The following SPIDR variants were observed in gnomAD, a reference collection of about 807,000 sequenced individuals.
SPIDR encodes scaffold protein involved in DNA repair, also known as DNA repair-scaffolding protein.
SPIDR carries 93 observed loss-of-function variants against 104.6 expected under a neutral mutation model. The observed-to-expected ratio is 0.89, with a 90% CI of 0.75 to 1.06. The LOEUF (loss-of-function observed/expected upper bound fraction) is 1.06. SPIDR is among the 50% of genes least tolerant of loss of function. The pLI is 0.00. For synonymous variants in SPIDR, 431 were observed against 416.9 expected, an observed-to-expected ratio of 1.03 and a Z score of -0.41; for missense variants, 1,154 against 1,111.2, an observed-to-expected ratio of 1.04 and a Z score of -0.55.
chr8:47,653,068 A>G (rs1444472701), intron 10 of SPIDR, among the ~76,000 whole-genome samples: 1 of 152,180 alleles, frequency 6.6e-6, no homozygotes, highest in Non-Finnish European at 1.5e-5. Context: ...TAGACTGTCC[A>G]TGACTGATGC....
At chr8:47,677,544 GT>G (rs1309463583) in intron 11 of SPIDR, among the ~76,000 whole-genome samples, 2 of 152,172 alleles carry the variant, frequency 1.3e-5, no homozygotes, top group African/African-American at 4.8e-5. Context: ...TTGAAGGGCC[GT>G]TTTACAGTAG....
intron 1 of SPIDR, chr8:47,276,907 T>C (rs2036538633): frequency 6.6e-6 from 1 of 151,962 alleles, no homozygotes; most frequent in Non-Finnish European, 1.5e-5. Context: ...TGTAAGGCAT[T>C]ATGAGTTTCT....
intron 15 of SPIDR, 58 bp downstream of exon 15, chr8:47,712,930 A>G (rs1589438017): frequency 6.2e-7 from 1 of 1,602,442 alleles, no homozygotes; most frequent in African/African-American, 1.3e-5. Flanking sequence ...CCCATAGAAT[A>G]CCTCTTGTGG....
At chr8:47,393,424 G>T (rs1283011923) in intron 5 of SPIDR, among the ~76,000 whole-genome samples, 2 of 152,048 alleles carry the variant, frequency 1.3e-5, no homozygotes, top group East Asian at 3.9e-4. Flanking sequence ...TTCAAATGTT[G>T]TTCGAATGGT....
At chr8:47,339,533 A>G (rs1043890015) in intron 5 of SPIDR, among the ~76,000 whole-genome samples, 5 of 152,304 alleles carry the variant, frequency 3.3e-5, no homozygotes, top group African/African-American at 1.2e-4. Context: ...GCTTGTGAAA[A>G]TGGGTATTTA....
chr8:47,469,417 A>C (rs555413117), intron 8 of SPIDR, among the ~76,000 whole-genome samples: 15 of 152,308 alleles, frequency 9.8e-5, no homozygotes, highest in African/African-American at 3.6e-4. Context: ...GACGCAGGCA[A>C]GCATATGTTT....
At chr8:47,417,349 G>A (rs1337868298) in intron 7 of SPIDR, among the ~76,000 whole-genome samples, 3 of 152,146 alleles carry the variant, frequency 2.0e-5, no homozygotes, top group African/African-American at 4.8e-5. Context: ...TCTCATTGTG[G>A]TTTCGATTTG....
intron 10 of SPIDR, among the ~76,000 whole-genome samples, chr8:47,605,335 T>C (rs1174147131): frequency 2.0e-5 from 3 of 152,160 alleles, no homozygotes; most frequent in Non-Finnish European, 2.9e-5. Context: ...GCTGGGTCAC[T>C]TCACGAGCAG....
At chr8:47,516,896 A>C (rs887192666) in intron 8 of SPIDR, among the ~76,000 whole-genome samples, 21 of 152,148 alleles carry the variant, frequency 1.4e-4, no homozygotes, top group African/African-American at 5.1e-4. Context: ...CCAGCAATGC[A>C]TGGGAGTTTC....
chr8:47,477,870 G>A (rs1346201844), intron 8 of SPIDR, among the ~76,000 whole-genome samples: 3 of 152,198 alleles, frequency 2.0e-5, no homozygotes, highest in African/African-American at 4.8e-5. Flanking sequence ...TCAGAGGGGA[G>A]CATGGGGAGG....
At chr8:47,523,925 G>A (rs1410878558) in intron 8 of SPIDR, among the ~76,000 whole-genome samples, 1 of 152,176 alleles carries the variant, frequency 6.6e-6, no homozygotes, top group Non-Finnish European at 1.5e-5. Context: ...ATGAGGTGAG[G>A]AGATGGCAGT....
At chr8:47,650,471 G>A (rs2154456141) in intron 10 of SPIDR, among the ~76,000 whole-genome samples, 1 of 152,136 alleles carries the variant, frequency 6.6e-6, no homozygotes, top group Non-Finnish European at 1.5e-5. Flanking sequence ...ACAAATGTAA[G>A]CACGTCTCGT....
chr8:47,427,659 G>T (rs781893257), intron 7 of SPIDR, among the ~76,000 whole-genome samples: 2 of 152,182 alleles, frequency 1.3e-5, no homozygotes, highest in Non-Finnish European at 2.9e-5. Context: ...AGATGCAGGG[G>T]AACGGGGAGG....
chr8:47,639,946 G>C (rs2068603156), intron 10 of SPIDR, among the ~76,000 whole-genome samples: 2 of 151,766 alleles, frequency 1.3e-5, no homozygotes, highest in South Asian at 4.2e-4. Flanking sequence ...AAAAAAGAGA[G>C]ATTTATTAAT....
intron 6 of SPIDR, among the ~76,000 whole-genome samples, chr8:47,407,195 C>T (rs2062871183): frequency 6.6e-6 from 1 of 152,158 alleles, no homozygotes; most frequent in Non-Finnish European, 1.5e-5. Flanking sequence ...TCTGCAGTGC[C>T]TGCATGTCTG....
chr8:47,661,351 C>T (rs1350966707), intron 10 of SPIDR, among the ~76,000 whole-genome samples: 5 of 152,190 alleles, frequency 3.3e-5, no homozygotes, highest in Non-Finnish European at 7.3e-5. Flanking sequence ...ACCCACCAAC[C>T]ATGCTCAGTG....
intron 8 of SPIDR, among the ~76,000 whole-genome samples, chr8:47,561,679 C>T (rs887715447): frequency 6.6e-6 from 1 of 152,252 alleles, no homozygotes; most frequent in South Asian, 2.1e-4. Context: ...CTGGGATCCT[C>T]CCCCATCTCC....
intron 11 of SPIDR, among the ~76,000 whole-genome samples, chr8:47,689,739 C>T (rs369408455): frequency 2.6e-5 from 4 of 152,340 alleles, no homozygotes; most frequent in South Asian, 4.1e-4. Flanking sequence ...CTCTCCGTGA[C>T]TGGGGGTGGC....
At chr8:47,600,268 T>C (rs2062100876) in intron 10 of SPIDR, among the ~76,000 whole-genome samples, 1 of 152,096 alleles carries the variant, frequency 6.6e-6, no homozygotes, top group African/African-American at 2.4e-5. Flanking sequence ...CCCAGCACTT[T>C]GGGAGGAGCC....
Sources: gnomAD v4.1 joint callset for allele counts (sites outside exome capture counted in the v4.1 genomes callset) on GRCh38, gnomAD v4.1.1 for gene constraint, MANE v1.5 for transcripts, NCBI Gene and HGNC (gene_info 2026-07-23, HGNC 2026-07-21) for gene names.